The following LHFPL3 variants were observed in gnomAD, a reference collection of about 807,000 sequenced individuals.
LHFPL3 encodes LHFPL tetraspan subfamily member 3 protein.
In LHFPL3, 5 loss-of-function variants were observed where a neutral mutation model predicts 19.3. The observed-to-expected ratio is 0.26, with a 90% CI of 0.14 to 0.54. The LOEUF (loss-of-function observed/expected upper bound fraction) is 0.54. Ranked by LOEUF, LHFPL3 falls within the 20% of genes least tolerant of loss-of-function variation. The pLI is 0.94. For synonymous variants in LHFPL3, 133 were observed against 126.2 expected, an observed-to-expected ratio of 1.05 and a Z score of -0.36; for missense variants, 249 against 307.4, an observed-to-expected ratio of 0.81 and a Z score of 1.42.
intron 1 of LHFPL3, among the ~76,000 whole-genome samples, chr7:104,443,380 G>A (rs1792264278): frequency 6.6e-6 from 1 of 152,152 alleles, no homozygotes; most frequent in South Asian, 2.1e-4. Context: ...TGGATGTTTG[G>A]CCTTTAGGGT....
At chr7:104,412,989 C>T (rs766761352) in intron 1 of LHFPL3, among the ~76,000 whole-genome samples, 11 of 152,184 alleles carry the variant, frequency 7.2e-5, no homozygotes. Context: ...GTCCATTGCA[C>T]TCCACACACA....
Position 104,529,777 on chromosome 7 carries a change from C to T in LHFPL3, c.445+200553C>T, listed in dbSNP as rs181791323. Among the ~76,000 whole-genome samples, 5 of 152,222 alleles carry T rather than the reference C, an allele frequency of 3.3e-5. No homozygotes were observed. In the East Asian group the frequency reaches 5.8e-4, roughly 18 times the overall value. On this transcript the variant is annotated intron_variant, in intron 1 of 2. Transcript: ENST00000424859. ...ACAGGGATGGGCAGTGCCTATGTAG[C>T]GCCATTCCAGAAAAGGCTGAATCAT...
At chr7:104,366,547 G>A (rs574044415) in intron 1 of LHFPL3, among the ~76,000 whole-genome samples, 2 of 152,266 alleles carry the variant, frequency 1.3e-5, no homozygotes, top group South Asian at 4.1e-4. Context: ...ATGCAGAGGA[G>A]GTGACCTAGT....
At chr7:104,668,726 C>T (rs1038035301) in intron 1 of LHFPL3, 30 of 1,584,510 alleles carry the variant, frequency 1.9e-5, no homozygotes, top group Middle Eastern at 1.9e-4. Context: ...GTCCCCCCCC[C>T]CCCAAAGACC....
chr7:104,805,818 G>A (rs1790349785), intron 2 of LHFPL3, among the ~76,000 whole-genome samples: 1 of 152,098 alleles, frequency 6.6e-6, no homozygotes, highest in Non-Finnish European at 1.5e-5. Flanking sequence ...ACAGTTTTTA[G>A]TCTGGATCCC....
chr7:104,800,555 C>G (rs1338740005), intron 2 of LHFPL3, among the ~76,000 whole-genome samples: 2 of 152,186 alleles, frequency 1.3e-5, no homozygotes, highest in African/African-American at 4.8e-5. Flanking sequence ...AACCCTCTTT[C>G]TCCCAACTGT....
chr7:104,899,490 A>T (rs1397520842), intron 2 of LHFPL3, among the ~76,000 whole-genome samples: 1 of 152,140 alleles, frequency 6.6e-6, no homozygotes, highest in East Asian at 1.9e-4. Context: ...CTCTGGCAGG[A>T]AGGGAAGTAA....
At chr7:104,353,168 C>A (rs1335904247) in intron 1 of LHFPL3, among the ~76,000 whole-genome samples, 2 of 152,096 alleles carry the variant, frequency 1.3e-5, no homozygotes, top group Non-Finnish European at 2.9e-5. Flanking sequence ...AAATGAACAA[C>A]AACAACAAAA....
intron 1 of LHFPL3, among the ~76,000 whole-genome samples, chr7:104,677,870 T>C (rs1246218762): frequency 6.6e-5 from 10 of 152,186 alleles, no homozygotes; most frequent in Non-Finnish European, 1.5e-4. Flanking sequence ...TCCTCCTACA[T>C]GGGGAAACTG....
chr7:104,349,790 T>C (rs566279157), intron 1 of LHFPL3, among the ~76,000 whole-genome samples: 1 of 152,374 alleles, frequency 6.6e-6, no homozygotes, highest in South Asian at 2.1e-4. Context: ...AGAGTTCCCT[T>C]ACATTTACCC....
chr7:104,881,345 T>C (rs1792053251), intron 2 of LHFPL3, among the ~76,000 whole-genome samples: 1 of 152,150 alleles, frequency 6.6e-6, no homozygotes, highest in Non-Finnish European at 1.5e-5. Context: ...TCAAAGTTAA[T>C]AGAATTTATA....
chr7:104,801,045 G>A (rs1325940180), intron 2 of LHFPL3, among the ~76,000 whole-genome samples: 1 of 152,226 alleles, frequency 6.6e-6, no homozygotes, highest in Non-Finnish European at 1.5e-5. Flanking sequence ...TTTCCCAAGG[G>A]CTGACCAATG....
At chr7:104,795,497 G>T (rs1790106819) in intron 2 of LHFPL3, among the ~76,000 whole-genome samples, 1 of 152,136 alleles carries the variant, frequency 6.6e-6, no homozygotes, top group Non-Finnish European at 1.5e-5. Flanking sequence ...GGAAAGCTTT[G>T]CATGACTTGA....
chr7:104,602,298 G>T (rs1790987362), intron 1 of LHFPL3, among the ~76,000 whole-genome samples: 1 of 152,106 alleles, frequency 6.6e-6, no homozygotes, highest in Admixed American at 6.6e-5. Context: ...TGAGATTACA[G>T]GTGTGAGCCG....
At chr7:104,671,571 C>CAAA (rs34805741) in intron 1 of LHFPL3, among the ~76,000 whole-genome samples, 18,120 of 124,740 alleles carry the variant, frequency 0.15, 1,241 homozygotes, top group Non-Finnish European at 0.17. Context: ...CTTTAAAGTT[C>CAAA]AAAAAAAAAA....
intron 1 of LHFPL3, among the ~76,000 whole-genome samples, chr7:104,511,944 CTTTTTTT>C (rs58712044): frequency 8.9e-6 from 1 of 111,988 alleles, no homozygotes; most frequent in Admixed American, 1.0e-4. Flanking sequence ...CTTTCCTTTT[CTTTTTTT>C]TTTTTTTTTT....
At chr7:104,425,787 A>G (rs1486947810) in intron 1 of LHFPL3, among the ~76,000 whole-genome samples, 3 of 152,184 alleles carry the variant, frequency 2.0e-5, no homozygotes, top group Non-Finnish European at 4.4e-5. Context: ...TGGTGAAATT[A>G]TTTCCTAGAA....
chr7:104,793,481 T>C (rs1316255125), intron 2 of LHFPL3, among the ~76,000 whole-genome samples: 2 of 152,114 alleles, frequency 1.3e-5, no homozygotes, highest in Non-Finnish European at 2.9e-5. Flanking sequence ...AAGATGTCAG[T>C]GGTAAAAAAG....
chr7:104,354,055 C>T (rs1031647647), intron 1 of LHFPL3, among the ~76,000 whole-genome samples: 1 of 151,970 alleles, frequency 6.6e-6, no homozygotes, highest in Admixed American at 6.6e-5. Context: ...TGTATGGATT[C>T]TTGTAAAAAA....
Sources: gnomAD v4.1 joint callset for allele counts (sites outside exome capture counted in the v4.1 genomes callset) on GRCh38, gnomAD v4.1.1 for gene constraint, MANE v1.5 for transcripts, NCBI Gene and HGNC (gene_info 2026-07-23, HGNC 2026-07-21) for gene names.